The following CPM variants were observed in gnomAD, a reference collection of about 807,000 sequenced individuals.
CPM encodes carboxypeptidase M.
Under a neutral mutation model 46.4 loss-of-function variants are expected in CPM, and 35 were observed. The ratio of observed to expected loss-of-function variants is 0.75; its 90% CI spans 0.58 to 1.00. The LOEUF (loss-of-function observed/expected upper bound fraction) is 1.00, where lower values mean the gene tolerates loss of function less well. CPM is among the 50% of genes least tolerant of loss of function. The probability of loss-of-function intolerance (pLI) is 0.00; values close to 1 mark genes in which losing one functional copy is unlikely to be tolerated. For missense variants in CPM, 422 were observed against 530.4 expected, an observed-to-expected ratio of 0.80 and a Z score of 2.01; for synonymous variants, 195 against 195.3, an observed-to-expected ratio of 1.00 and a Z score of 0.01.
At chr12:68,904,472 T>C (rs1887253061) in intron 2 of CPM, among the ~76,000 whole-genome samples, 2 of 152,196 alleles carry the variant, frequency 1.3e-5, no homozygotes, top group Admixed American at 6.5e-5. Flanking sequence ...GTTACTTCAT[T>C]TTACCACAGA....
chr12:68,937,983 T>C (rs1888698686), upstream of CPM, among the ~76,000 whole-genome samples: 1 of 152,140 alleles, frequency 6.6e-6, no homozygotes, highest in African/African-American at 2.4e-5. Context: ...TCACTGGAAA[T>C]GGGAAATTAA....
At chr12:68,860,751 C>A (rs796734601) in intron 7 of CPM, among the ~76,000 whole-genome samples, 25 of 152,332 alleles carry the variant, frequency 1.6e-4, no homozygotes, top group African/African-American at 5.8e-4. Flanking sequence ...AGTCACTGAA[C>A]ATTCCCAAGC....
At chr12:68,865,629 C>T (rs546966732) in intron 7 of CPM, among the ~76,000 whole-genome samples, 3 of 152,158 alleles carry the variant, frequency 2.0e-5, no homozygotes, top group African/African-American at 7.2e-5. Flanking sequence ...CACACACACA[C>T]ACACTCACAC....
intron 2 of CPM, among the ~76,000 whole-genome samples, chr12:68,904,387 C>A (rs1378074189): frequency 6.6e-6 from 1 of 152,138 alleles, no homozygotes; most frequent in Non-Finnish European, 1.5e-5. Flanking sequence ...TACATAGTGG[C>A]CAGTCCTTTC....
intron 1 of CPM, among the ~76,000 whole-genome samples, chr12:68,948,550 C>T (rs1168834257): frequency 2.0e-5 from 3 of 151,996 alleles, no homozygotes; most frequent in East Asian, 3.9e-4. Flanking sequence ...GGAGGAGGTC[C>T]CTCTACTCCA....
rs1388014498 is a variant in CPM at position 68,851,234 on chromosome 12, G to A, written c.*5203C>T. ...AAATATTTTAAATTTACTAAATTCA[G>A]AGGTAGTCATGGCCTCTCCCCAATA... On this transcript the variant is annotated 3_prime_UTR_variant, in exon 9 of 9. Transcript: ENST00000551568. 1 of 152,546 alleles carries A rather than the reference G, an allele frequency of 6.6e-6. No individual in the cohort carries two copies. Among genetic ancestry groups the A allele is most frequent in the Admixed American group, 6.5e-5 (1 of 15,268 alleles). The allele number at this position is 152,546 out of a possible 1,614,324, so 9.4% of individuals were successfully genotyped here. A position where few individuals can be genotyped will look rare whatever the true frequency, so the allele number is the denominator to read the frequency against.
At chr12:68,922,528 C>G (rs545920538) in intron 2 of CPM, among the ~76,000 whole-genome samples, 2 of 152,256 alleles carry the variant, frequency 1.3e-5, no homozygotes, top group South Asian at 4.1e-4. Context: ...CTTTGTATCC[C>G]CACTGTCAAG....
Position 68,854,674 on chromosome 12 carries a change from T to C in CPM, c.*1763A>G, listed in dbSNP as rs1422091406. 6.6e-6 allele frequency: 1 copy of C among 152,040 alleles called. No homozygotes were observed. Among genetic ancestry groups the C allele is most frequent in the Non-Finnish European group, 1.5e-5 (1 of 68,060 alleles). 9.4% of individuals were successfully genotyped at this position (152,040 alleles called of 1,614,324 possible). On this transcript the variant is annotated 3_prime_UTR_variant, in exon 9 of 9. Transcript: ENST00000551568. ...TCTGTGTTTATGAACTACAACCAGT[T>C]GTTGACTTTTGTTTCAAGTGGCTCC...
rs77607141 is a variant in CPM at position 68,858,367 on chromosome 12, G to A, written c.1089+556C>T. Among the ~76,000 whole-genome samples, 1,032 of 152,096 alleles carry A rather than the reference G, an allele frequency of 6.8e-3. 16 individuals carry two copies. The highest frequency in any genetic ancestry group is 0.023 in the African/African-American group (953 of 41,508). ...AATTAGTCCATGCCTTCCTGTCTTCGGATAAAATGACTCAGAAATATATAT... is the reference window on the plus strand; with the variant it reads ...AATTAGTCCATGCCTTCCTGTCTTCAGATAAAATGACTCAGAAATATATAT... On this transcript the variant is annotated intron_variant, in intron 8 of 8. Coordinates refer to ENST00000551568, the MANE Select transcript of CPM (RefSeq NM_198320.5).
At chr12:68,878,575 A>G (rs117287777) in intron 3 of CPM, among the ~76,000 whole-genome samples, 55 of 152,188 alleles carry the variant, frequency 3.6e-4, no homozygotes, top group Non-Finnish European at 6.3e-4. Flanking sequence ...GACCTGACCA[A>G]TCACCACTCC....
intron 2 of CPM, among the ~76,000 whole-genome samples, chr12:68,910,239 T>C (rs964914786): frequency 1.3e-5 from 2 of 152,168 alleles, no homozygotes; most frequent in African/African-American, 4.8e-5. Context: ...GATAAGATTA[T>C]ACCACAGAAT....
intron 5 of CPM, chr12:68,842,440 G>A (rs1272911974): frequency 2.2e-6 from 1 of 464,506 alleles, no homozygotes; most frequent in Non-Finnish European, 4.3e-6. Context: ...ATCTCCTTTG[G>A]AGACTTAGAA....
rs150817982 is a variant in CPM, at chr12:68,940,390, C to T, written c.-3-7550G>A. 5.2e-3 allele frequency among the ~76,000 whole-genome samples: 790 copies of T among 151,480 alleles called. 10 individuals carry two copies. The highest frequency in any genetic ancestry group is 0.018 in the African/African-American group (730 of 41,270). ...TGGCATGTATCCAACATTACAGTAT[C>T]ATACAGAATAATTTCATGGCCCTAG... On this transcript the variant is annotated intron_variant, in intron 1 of 8. Coordinates refer to the CPM transcript ENST00000546373.
intron 2 of CPM, among the ~76,000 whole-genome samples, chr12:68,902,700 T>G (rs1887160673): frequency 6.6e-6 from 1 of 152,188 alleles, no homozygotes; most frequent in South Asian, 2.1e-4. Flanking sequence ...ATGAGATAAG[T>G]AAGGCAGGTA....
chr12:68,869,211 G>T, intron 6 of CPM, 114 bp downstream of exon 6: 1 of 815,128 alleles, frequency 1.2e-6, no homozygotes, highest in Non-Finnish European at 2.0e-6. Flanking sequence ...TAAGGACAGA[G>T]TGAAGGGCCT....
chr12:68,847,210 A>ATATATATATATATATATATG (rs1565756805), downstream of CPM: 5 of 135,130 alleles, frequency 3.7e-5, no homozygotes, highest in African/African-American at 1.6e-4. Flanking sequence ...ATATATATAT[A>ATATATATATATATATATATG]TACTTTTTTT....
intron 2 of CPM, among the ~76,000 whole-genome samples, chr12:68,924,234 C>T (rs953771964): frequency 1.2e-4 from 18 of 151,240 alleles, no homozygotes; most frequent in African/African-American, 4.1e-4. Context: ...CAGTGGCTCA[C>T]GCCTGTAATC....
At chr12:68,949,815 A>T (rs116510599) in intron 1 of CPM, among the ~76,000 whole-genome samples, 1 of 152,330 alleles carries the variant, frequency 6.6e-6, no homozygotes, top group African/African-American at 2.4e-5. Flanking sequence ...CCAGGGACTC[A>T]AATGATGGCA....
chr12:68,907,491 T>C (rs184461525), intron 2 of CPM, among the ~76,000 whole-genome samples: 2 of 152,226 alleles, frequency 1.3e-5, no homozygotes, highest in East Asian at 1.9e-4. Context: ...ACATGCACAG[T>C]AGGCAAACAC....
Sources: allele counts gnomAD v4.1 joint callset (sites outside exome capture counted in the v4.1 genomes callset), GRCh38; gene constraint gnomAD v4.1.1; transcripts MANE v1.5; gene names NCBI Gene and HGNC (gene_info 2026-07-23, HGNC 2026-07-21).